Variants in PRUNE2 observed in about 807,000 individuals in gnomAD.
PRUNE2 encodes the protein protein prune homolog 2.
In PRUNE2, 164 loss-of-function variants were observed where a neutral mutation model predicts 252.0. That is an observed-to-expected ratio of 0.65 (90% confidence interval 0.57 to 0.74). PRUNE2 has a LOEUF of 0.74. PRUNE2 is among the 30% of genes least tolerant of loss of function. The probability of loss-of-function intolerance (pLI) is 0.00; values close to 1 mark genes in which losing one functional copy is unlikely to be tolerated. For missense variants in PRUNE2, 3,495 were observed against 3,711.0 expected (o/e 0.94, Z 1.51); for synonymous variants, 1,292 against 1,350.2 (o/e 0.96, Z 0.94).
intron 4 of PRUNE2, among the ~76,000 whole-genome samples, chr9:76,842,145 T>C (rs962582013): frequency 1.3e-5 from 2 of 152,030 alleles, no homozygotes; most frequent in African/African-American, 2.4e-5. Context: ...AAAACAGACA[T>C]AGACCAATGG....
chr9:76,818,781 A>G (rs991713214), intron 6 of PRUNE2, among the ~76,000 whole-genome samples: 1 of 152,250 alleles, frequency 6.6e-6, no homozygotes. Context: ...AGGTTCATAC[A>G]GGCAATCTTA....
At chr9:76,615,344 G>C (rs1828939664) in intron 18 of PRUNE2, 6 of 563,962 alleles carry the variant, frequency 1.1e-5, no homozygotes, top group Non-Finnish European at 1.3e-5. Flanking sequence ...GATTTGGCAC[G>C]TATCTGTGGA....
intron 6 of PRUNE2, among the ~76,000 whole-genome samples, chr9:76,815,388 C>T (rs1481514810): frequency 6.6e-6 from 1 of 152,060 alleles, no homozygotes; most frequent in Non-Finnish European, 1.5e-5. Flanking sequence ...GGGAGAAATC[C>T]AAGATCAAGG....
chr9:76,852,917 G>C (rs1418715815), intron 2 of PRUNE2, among the ~76,000 whole-genome samples: 1 of 152,046 alleles, frequency 6.6e-6, no homozygotes, highest in African/African-American at 2.4e-5. Flanking sequence ...TGTTGTAGGT[G>C]GTAGTGGTGG....
At chr9:76,819,798 C>A (rs1477910671) in intron 6 of PRUNE2, among the ~76,000 whole-genome samples, 2 of 152,132 alleles carry the variant, frequency 1.3e-5, no homozygotes, top group African/African-American at 4.8e-5. Context: ...CCGTGAGCAA[C>A]CTTGCTTCAG....
At chr9:76,742,613 T>A (rs1295301742) in intron 6 of PRUNE2, among the ~76,000 whole-genome samples, 1 of 148,742 alleles carries the variant, frequency 6.7e-6, no homozygotes, top group Non-Finnish European at 1.5e-5. Context: ...GTGAAACCTA[T>A]CTCAAAAAAA....
At chr9:76,806,442 A>C (rs974333468) in intron 6 of PRUNE2, among the ~76,000 whole-genome samples, 88 of 151,830 alleles carry the variant, frequency 5.8e-4, no homozygotes, top group African/African-American at 2.0e-3. Context: ...GGGGATAGGC[A>C]GTTTCAAATA....
At chr9:76,736,386 CA>C (rs1424414293) in intron 6 of PRUNE2, 2 of 152,136 alleles carry the variant, frequency 1.3e-5, no homozygotes, top group Non-Finnish European at 2.9e-5. Context: ...AGAAGGAAAA[CA>C]AAATGAACAG....
intron 10 of PRUNE2, among the ~76,000 whole-genome samples, chr9:76,654,933 G>A (rs1197960156): frequency 6.6e-6 from 1 of 152,162 alleles, no homozygotes; most frequent in Non-Finnish European, 1.5e-5. Flanking sequence ...AGTCATATAA[G>A]TTGCAATTGA....
At chr9:76,725,950 A>G (rs538210590) in intron 6 of PRUNE2, among the ~76,000 whole-genome samples, 5 of 152,316 alleles carry the variant, frequency 3.3e-5, no homozygotes, top group African/African-American at 1.2e-4. Flanking sequence ...GGATCTGGGG[A>G]GTGTTCCCAC....
chr9:76,668,663 T>G (rs1477728276), intron 9 of PRUNE2, among the ~76,000 whole-genome samples: 1 of 151,928 alleles, frequency 6.6e-6, no homozygotes, highest in East Asian at 1.9e-4. Flanking sequence ...TGTTGGAAAC[T>G]TGTAGGAGTT....
At chr9:76,853,801 G>C (rs889371432) in intron 2 of PRUNE2, among the ~76,000 whole-genome samples, 6 of 152,146 alleles carry the variant, frequency 3.9e-5, no homozygotes, top group Admixed American at 3.9e-4. Context: ...TTAGTTCTAT[G>C]AATTTCCATA....
chr9:76,833,396 A>T (rs2058769944), intron 4 of PRUNE2, among the ~76,000 whole-genome samples: 1 of 152,208 alleles, frequency 6.6e-6, no homozygotes, highest in African/African-American at 2.4e-5. Context: ...GAAAATCCCA[A>T]AGTTAATCAT....
chr9:76,703,490 C>A lies in PRUNE2; in HGVS notation c.8123G>T (p.Gly2708Val), dbSNP rs373017513. 1 of 1,613,870 alleles carries A rather than the reference C, an allele frequency of 6.2e-7. No homozygotes were observed. The highest frequency in any genetic ancestry group is 2.2e-5 in the East Asian group (1 of 44,862). The change falls in exon 9 of 19, where the codon GGC (glycine) becomes GTC (valine). Residue 2708 changes from glycine (G) to valine (V), a missense_variant. Transcript: ENST00000376718. ...AGCCTGCAACGTAACTGCATCCGGG[C>A]CAGCCCTGCCTCGGCTCTTACTCTT... ...SQKSKSRGRA[G>V]PDAVTLQAVT...
intron 6 of PRUNE2, among the ~76,000 whole-genome samples, chr9:76,743,704 T>C (rs890402137): frequency 1.3e-5 from 2 of 152,254 alleles, no homozygotes; most frequent in African/African-American, 4.8e-5. Context: ...GTGTATACTA[T>C]GATTCTATTG....
At chr9:76,823,770 A>G in intron 5 of PRUNE2, 44 bp from the exon 6 acceptor site, 2 of 1,114,780 alleles carry the variant, frequency 1.8e-6, no homozygotes, top group African/African-American at 1.6e-5. Flanking sequence ...TACTTGAGGG[A>G]TTTTTTTTTT....
chr9:76,760,399 T>C (rs1302238911), intron 6 of PRUNE2, among the ~76,000 whole-genome samples: 1 of 152,216 alleles, frequency 6.6e-6, no homozygotes, highest in African/African-American at 2.4e-5. Flanking sequence ...TCACCCTTGA[T>C]ATCACTGCTC....
chr9:76,870,610 C>T (rs1206569764), intron 1 of PRUNE2, among the ~76,000 whole-genome samples: 4 of 150,722 alleles, frequency 2.7e-5, no homozygotes, highest in African/African-American at 7.3e-5. Flanking sequence ...GGCGTGAACC[C>T]GGGAGGCGGA....
chr9:76,897,562 C>T (rs980312465), intron 1 of PRUNE2, among the ~76,000 whole-genome samples: 5 of 151,878 alleles, frequency 3.3e-5, no homozygotes, highest in African/African-American at 1.2e-4. Context: ...TATAGATGCA[C>T]ACCACCACGC....
Sources: allele counts gnomAD v4.1 joint callset (sites outside exome capture counted in the v4.1 genomes callset), GRCh38; gene constraint gnomAD v4.1.1; transcripts MANE v1.5; gene names NCBI Gene and HGNC (gene_info 2026-07-23, HGNC 2026-07-21).